LINGO2: variants seen among roughly 807,000 people sequenced by gnomAD.
The protein encoded by LINGO2 is leucine rich repeat and Ig domain containing 2, also known as leucine-rich repeat and immunoglobulin-like domain-containing nogo receptor-interacting protein 2.
In LINGO2, 14 loss-of-function variants were observed where a neutral mutation model predicts 30.6. That is an observed-to-expected ratio of 0.46 (90% CI 0.30 to 0.72). The LOEUF is 0.72. LINGO2 is among the 30% of genes least tolerant of loss of function. The pLI, the probability that LINGO2 is intolerant of heterozygous loss-of-function variation, is 0.07. For synonymous variants in LINGO2, 317 were observed against 288.5 expected (o/e 1.10, Z -1.00); for missense variants, 729 against 751.7 (o/e 0.97, Z 0.35).
At chr9:27,973,652 T>C (rs12341918) in intron 5 of LINGO2, among the ~76,000 whole-genome samples, 47,555 of 152,014 alleles carry the variant, frequency 0.31, 7,594 homozygotes, top group East Asian at 0.34. Context: ...CACTGCCAGC[T>C]TAGCCCAGCC....
chr9:28,884,994 TATTATATATATATATATATA>T, the LINGO2 span, among the ~76,000 whole-genome samples: 1 of 4,610 alleles, frequency 2.2e-4, no homozygotes, highest in African/African-American at 7.0e-4. Context: ...TATAATAATA[TATTATATATATATATATATA>T]TATATATATG....
intron 5 of LINGO2, among the ~76,000 whole-genome samples, chr9:28,008,491 AAAG>A (rs965746117): frequency 6.6e-5 from 10 of 152,078 alleles, no homozygotes; most frequent in South Asian, 4.1e-4. Flanking sequence ...GGAAGGAAAA[AAAG>A]GAAAAGACTC....
At chr9:28,403,699 C>T (rs1324033825) in intron 2 of LINGO2, among the ~76,000 whole-genome samples, 1 of 151,098 alleles carries the variant, frequency 6.6e-6, no homozygotes, top group South Asian at 2.1e-4. Context: ...TTCCTGGACG[C>T]CCAGAATAAT....
the LINGO2 span, among the ~76,000 whole-genome samples, chr9:29,020,845 G>T: frequency 4.6e-5 from 7 of 151,954 alleles, no homozygotes; most frequent in African/African-American, 9.7e-5. Context: ...AGCAAAGGGT[G>T]GGGGGAAAAG....
At chr9:28,031,378 A>G (rs1026780270) in intron 4 of LINGO2, among the ~76,000 whole-genome samples, 1 of 150,402 alleles carries the variant, frequency 6.6e-6, no homozygotes, top group Admixed American at 6.6e-5. Context: ...TACAATTTTT[A>G]AAAAATTTAA....
At chr9:28,841,611 C>T in the LINGO2 span, among the ~76,000 whole-genome samples, 3 of 150,622 alleles carry the variant, frequency 2.0e-5, no homozygotes, top group East Asian at 1.9e-4. Flanking sequence ...AAGATGACAA[C>T]GGCAATGAAA....
chr9:28,658,497 C>A (rs944324110), intron 1 of LINGO2, among the ~76,000 whole-genome samples: 1 of 151,960 alleles, frequency 6.6e-6, no homozygotes, highest in Admixed American at 6.6e-5. Context: ...TAATGTCCTT[C>A]TTTTAACCTT....
chr9:28,487,630 A>T (rs1300730120), intron 1 of LINGO2, among the ~76,000 whole-genome samples: 9 of 152,168 alleles, frequency 5.9e-5, no homozygotes, highest in Non-Finnish European at 1.3e-4. Context: ...GTGTATACAA[A>T]TATCCATAAT....
At chr9:29,205,940 T>C in the LINGO2 span, among the ~76,000 whole-genome samples, 91 of 152,332 alleles carry the variant, frequency 6.0e-4, no homozygotes, top group South Asian at 4.6e-3. Flanking sequence ...TTAAATTCCA[T>C]AGATATGTTT....
At chr9:27,949,615 T>C (rs1823530978) in exon 6 of LINGO2, 2 of 1,614,104 alleles carry the variant, frequency 1.2e-6, no homozygotes, top group Non-Finnish European at 1.7e-6. Context: ...GGGTTGTTGT[T>C]AATGCTCAAG....
At chr9:28,207,277 T>C (rs1261707388) in intron 4 of LINGO2, among the ~76,000 whole-genome samples, 3 of 152,076 alleles carry the variant, frequency 2.0e-5, no homozygotes, top group Non-Finnish European at 2.9e-5. Flanking sequence ...ACTGTAAACA[T>C]AGTCAATTGA....
At chr9:28,830,163 C>A in the LINGO2 span, among the ~76,000 whole-genome samples, 8 of 152,168 alleles carry the variant, frequency 5.3e-5, no homozygotes, top group African/African-American at 1.9e-4. Context: ...GAGAAGGGGA[C>A]ATTTTACTAG....
At chr9:28,699,169 C>G in the LINGO2 span, among the ~76,000 whole-genome samples, 18 of 152,092 alleles carry the variant, frequency 1.2e-4, no homozygotes, top group African/African-American at 4.1e-4. Context: ...AATGTTAACT[C>G]TTAGTGTTAC....
intron 4 of LINGO2, among the ~76,000 whole-genome samples, chr9:28,067,903 T>C (rs1178616325): frequency 1.3e-5 from 2 of 152,188 alleles, no homozygotes; most frequent in Non-Finnish European, 2.9e-5. Context: ...AGAGTTAAAG[T>C]GACTTGCCAT....
the LINGO2 span, among the ~76,000 whole-genome samples, chr9:29,134,880 T>C: frequency 1.3e-5 from 2 of 152,078 alleles, no homozygotes; most frequent in African/African-American, 4.8e-5. Context: ...TATAGCTATA[T>C]TATCTTCCAG....
the LINGO2 span, among the ~76,000 whole-genome samples, chr9:29,096,680 C>T: frequency 3.6e-5 from 5 of 140,284 alleles, no homozygotes; most frequent in Non-Finnish European, 6.2e-5. Flanking sequence ...CAGAAAAAGG[C>T]TAACTTGTCT....
At chr9:29,139,054 C>G in the LINGO2 span, among the ~76,000 whole-genome samples, 2 of 152,302 alleles carry the variant, frequency 1.3e-5, no homozygotes, top group African/African-American at 4.8e-5. Flanking sequence ...TTCAATTTAA[C>G]AAAGCCAGCT....
At chr9:28,404,415 A>G (rs146605057) in intron 2 of LINGO2, among the ~76,000 whole-genome samples, 239 of 152,274 alleles carry the variant, frequency 1.6e-3, no homozygotes, top group African/African-American at 5.6e-3. Context: ...CAGGTAGTCT[A>G]TTTCAAGCAT....
At chr9:28,972,080 G>A in the LINGO2 span, among the ~76,000 whole-genome samples, 1 of 152,344 alleles carries the variant, frequency 6.6e-6, no homozygotes, top group Non-Finnish European at 1.5e-5. Flanking sequence ...AAGAACCACA[G>A]CATTACTGCG....
Sources: gnomAD v4.1 joint callset for allele counts (sites outside exome capture counted in the v4.1 genomes callset) on GRCh38, gnomAD v4.1.1 for gene constraint, MANE v1.5 for transcripts, NCBI Gene and HGNC (gene_info 2026-07-23, HGNC 2026-07-21) for gene names.